The following CACNA2D1 variants were observed in gnomAD, a reference collection of about 807,000 sequenced individuals.
CACNA2D1 encodes the protein voltage-dependent calcium channel subunit alpha-2/delta-1.
In CACNA2D1, 53 loss-of-function variants were observed where a neutral mutation model predicts 171.5. The observed-to-expected ratio is 0.31, with a 90% CI of 0.25 to 0.39. CACNA2D1 has a LOEUF of 0.39. Ranked by LOEUF, CACNA2D1 falls within the 10% of genes least tolerant of loss-of-function variation. The probability of loss-of-function intolerance (pLI) is 1.00; values close to 1 mark genes in which losing one functional copy is unlikely to be tolerated. For synonymous variants in CACNA2D1, 442 were observed against 443.1 expected, an observed-to-expected ratio of 1.00 and a Z score of 0.03; for missense variants, 903 against 1,299.8, an observed-to-expected ratio of 0.69 and a Z score of 4.69.
At chr7:82,106,203 C>G (rs1050773942) in intron 6 of CACNA2D1, among the ~76,000 whole-genome samples, 1 of 152,118 alleles carries the variant, frequency 6.6e-6, no homozygotes, top group African/African-American at 2.4e-5. Flanking sequence ...CTTTCTACCT[C>G]TAGGGAGAAA....
intron 6 of CACNA2D1, among the ~76,000 whole-genome samples, chr7:82,089,968 A>G (rs549754648): frequency 7.8e-4 from 119 of 152,340 alleles, no homozygotes; most frequent in African/African-American, 2.8e-3. Context: ...TATAATGTCA[A>G]CTACAGCTTT....
chr7:81,967,532 AT>A, intron 30 of CACNA2D1, 63 bp downstream of exon 30: 1 of 874,182 alleles, frequency 1.1e-6, no homozygotes, highest in South Asian at 1.5e-5. Flanking sequence ...AGGACCTTAT[AT>A]TTTTTTCTAT....
chr7:82,173,061 A>T (rs768540509), intron 3 of CACNA2D1, among the ~76,000 whole-genome samples: 1 of 152,010 alleles, frequency 6.6e-6, no homozygotes, highest in East Asian at 1.9e-4. Context: ...TAACTCTACC[A>T]GATCTTTCCT....
At chr7:82,116,597 G>A (rs1205544971) in intron 6 of CACNA2D1, among the ~76,000 whole-genome samples, 1 of 152,186 alleles carries the variant, frequency 6.6e-6, no homozygotes, top group Non-Finnish European at 1.5e-5. Context: ...GGGAAAAAGA[G>A]AGAGAGACTG....
chr7:82,401,465 C>T (rs1003206646), intron 1 of CACNA2D1, among the ~76,000 whole-genome samples: 1 of 149,150 alleles, frequency 6.7e-6, no homozygotes, highest in African/African-American at 2.5e-5. Flanking sequence ...AACAAAAAAC[C>T]AAACACCGCA....
At position 82,064,106 on chromosome 7, in the gene CACNA2D1, G is replaced by T. The variant is rs1331633700; in HGVS notation, c.779+198C>A. On this transcript the variant is annotated intron_variant, in intron 9 of 38. Coordinates refer to ENST00000356860, the MANE Select transcript of CACNA2D1 (RefSeq NM_000722.4). Reference sequence around the variant, plus strand: ...ATATTAATATATGAATATCCATATAGATTCTCTTCATGTTTAATTAAATAA... The same window carrying T: ...ATATTAATATATGAATATCCATATATATTCTCTTCATGTTTAATTAAATAA... 2.0e-5 allele frequency among the ~76,000 whole-genome samples: 3 copies of T among 151,704 alleles called. No homozygotes were observed. In the South Asian group the frequency reaches 6.2e-4, roughly 32 times the overall value.
intron 3 of CACNA2D1, among the ~76,000 whole-genome samples, chr7:82,171,074 CA>C (rs1357852047): frequency 6.6e-5 from 10 of 152,018 alleles, no homozygotes; most frequent in Admixed American, 6.6e-4. Flanking sequence ...CCAAAAGCCA[CA>C]AAAGCTGAAA....
chr7:82,131,715 G>T (rs533815160), intron 5 of CACNA2D1, among the ~76,000 whole-genome samples: 1 of 152,216 alleles, frequency 6.6e-6, no homozygotes, highest in Admixed American at 6.5e-5. Context: ...AATTTTTAAT[G>T]AAGAATATGA....
chr7:82,183,509 T>A (rs1797355968), intron 3 of CACNA2D1, among the ~76,000 whole-genome samples: 1 of 152,158 alleles, frequency 6.6e-6, no homozygotes, highest in Admixed American at 6.6e-5. Flanking sequence ...ATAAAACACA[T>A]ACTGACTTTG....
In CACNA2D1 at chr7:82,060,442, C is replaced by T. The variant is rs759152665; in HGVS notation, c.865G>A (p.Val289Met). The part of the protein sequence containing the change: ...MLETLSDDDF[V>M]NVASFNSNAQ... Reference sequence around the variant, plus strand: ...CTTATACTTACTGAAGCTACATTCACGAAATCATCATCTGAGAGGGTTTCT... The same window carrying T: ...CTTATACTTACTGAAGCTACATTCATGAAATCATCATCTGAGAGGGTTTCT... Residue 289 changes from valine to methionine, a missense_variant, in exon 10 of 39, where the codon GTG becomes ATG. Transcript: ENST00000356860. 5 of 1,606,110 alleles carry T rather than the reference C, an allele frequency of 3.1e-6. No homozygotes were observed. The highest frequency in any genetic ancestry group is 2.2e-5 in the South Asian group (2 of 90,864).
chr7:82,203,673 A>G (rs1178828819), intron 3 of CACNA2D1, among the ~76,000 whole-genome samples: 1 of 152,164 alleles, frequency 6.6e-6, no homozygotes, highest in Non-Finnish European at 1.5e-5. Flanking sequence ...TTTTGGCTGG[A>G]GTCTATAGCA....
intron 3 of CACNA2D1, among the ~76,000 whole-genome samples, chr7:82,304,180 G>A (rs1813411191): frequency 6.6e-6 from 1 of 151,846 alleles, no homozygotes; most frequent in Admixed American, 6.6e-5. Context: ...ATTAATAAAA[G>A]GACAAAATGT....
intron 4 of CACNA2D1, among the ~76,000 whole-genome samples, chr7:82,138,571 A>G (rs577808421): frequency 3.3e-5 from 5 of 150,350 alleles, no homozygotes; most frequent in African/African-American, 1.2e-4. Flanking sequence ...CTCAGCCTCC[A>G]AAGTAGCTGG....
chr7:82,019,612 GT>G (rs1029531404), intron 12 of CACNA2D1, among the ~76,000 whole-genome samples: 1 of 151,874 alleles, frequency 6.6e-6, no homozygotes, highest in African/African-American at 2.4e-5. Flanking sequence ...GTTTTGTTTT[GT>G]TTGAAAACTA....
chr7:82,138,440 GTTTTTTTTGTTT>G (rs753679440), intron 4 of CACNA2D1, among the ~76,000 whole-genome samples: 13,052 of 94,876 alleles, frequency 0.14, 571 homozygotes, highest in Middle Eastern at 0.29. Flanking sequence ...TGTTTTTTTT[GTTTTTTTTGTTT>G]TTTTTTTTTT....
chr7:82,315,971 T>A (rs1815067963), intron 3 of CACNA2D1, among the ~76,000 whole-genome samples: 1 of 152,066 alleles, frequency 6.6e-6, no homozygotes. Flanking sequence ...AGGTGTTTTT[T>A]TTTTAAATAT....
At chr7:82,382,255 C>T (rs1823796799) in intron 1 of CACNA2D1, among the ~76,000 whole-genome samples, 1 of 152,196 alleles carries the variant, frequency 6.6e-6, no homozygotes, top group African/African-American at 2.4e-5. Flanking sequence ...TTGTCCTTTA[C>T]CTCTAAAATT....
intron 3 of CACNA2D1, among the ~76,000 whole-genome samples, chr7:82,246,137 G>C (rs1804887656): frequency 1.3e-5 from 2 of 151,430 alleles, no homozygotes; most frequent in Admixed American, 6.6e-5. Flanking sequence ...AAAAAAACTA[G>C]AAAATACTGA....
At chr7:82,320,375 T>A (rs1815660556) in intron 3 of CACNA2D1, among the ~76,000 whole-genome samples, 1 of 152,152 alleles carries the variant, frequency 6.6e-6, no homozygotes, top group Admixed American at 6.6e-5. Flanking sequence ...TAAAGATTTC[T>A]ATTTTGTTAA....
Sources: gnomAD v4.1 joint callset for allele counts (sites outside exome capture counted in the v4.1 genomes callset) on GRCh38, gnomAD v4.1.1 for gene constraint, MANE v1.5 for transcripts, NCBI Gene and HGNC (gene_info 2026-07-23, HGNC 2026-07-21) for gene names.